IFT52: variants seen among roughly 807,000 people sequenced by gnomAD.
IFT52 encodes intraflagellar transport protein 52 homolog.
Under a neutral mutation model 54.4 loss-of-function variants are expected in IFT52, and 44 were observed. That is an observed-to-expected ratio of 0.81 (90% CI 0.63 to 1.04). The LOEUF (loss-of-function observed/expected upper bound fraction) is 1.04. Among genes scored for constraint, IFT52 ranks in the 50% least tolerant of loss-of-function variants. IFT52 has a pLI of 0.00. For synonymous variants in IFT52, 181 were observed against 185.3 expected (o/e 0.98, Z 0.19); for missense variants, 452 against 523.6 (o/e 0.86, Z 1.33).
At position 43,591,073 on chromosome 20, in the gene IFT52, G is replaced by C. The variant is rs970227749; in HGVS notation, c.-7+19G>C. The stretch of plus-strand genomic sequence containing the variant: ...GCCTCAGGTAAAGGGCGCCAACAGT[G>C]GTGGGCCGGCTGGGGCGTTGGTGCG... On this transcript the variant is annotated intron_variant, in intron 1 of 13. Transcript: ENST00000373030. 2 of 152,576 alleles carry C rather than the reference G, an allele frequency of 1.3e-5. No homozygotes were observed. The highest frequency in any genetic ancestry group is 4.8e-5 in the African/African-American group (2 of 41,490). 9.5% of individuals were successfully genotyped at this position (152,576 alleles called of 1,614,324 possible).
At chr20:43,594,844 C>A in intron 2 of IFT52, 27 bp downstream of exon 2, 1 of 1,144,618 alleles carries the variant, frequency 8.7e-7, no homozygotes, top group Non-Finnish European at 1.3e-6. Flanking sequence ...ATTGTTTTCC[C>A]TTCTAAATGA....
chr20:43,598,041 C>T (rs1982131832), intron 3 of IFT52, among the ~76,000 whole-genome samples: 2 of 152,044 alleles, frequency 1.3e-5, no homozygotes, highest in Non-Finnish European at 2.9e-5. Context: ...GGAAATAGCC[C>T]AAGTATCCAT....
chr20:43,622,569 C>G (rs1984384769), intron 9 of IFT52, among the ~76,000 whole-genome samples: 1 of 151,012 alleles, frequency 6.6e-6, no homozygotes, highest in Admixed American at 6.6e-5. Context: ...TGCCACTGCA[C>G]TCCAGCCTGG....
At chr20:43,610,607 C>T (rs185066557) in intron 6 of IFT52, among the ~76,000 whole-genome samples, 14 of 151,854 alleles carry the variant, frequency 9.2e-5, no homozygotes, top group African/African-American at 2.9e-4. Flanking sequence ...GGCGTGGTGG[C>T]GGGCACCTGT....
intron 10 of IFT52, among the ~76,000 whole-genome samples, chr20:43,625,858 G>A (rs531074512): frequency 2.0e-5 from 3 of 151,816 alleles, no homozygotes; most frequent in Non-Finnish European, 2.9e-5. Context: ...CTTATATCCC[G>A]AACGTCAAGG....
At chr20:43,624,553 G>A (rs986389192) in intron 10 of IFT52, among the ~76,000 whole-genome samples, 1 of 152,172 alleles carries the variant, frequency 6.6e-6, no homozygotes, top group African/African-American at 2.4e-5. Context: ...AAGCCGTTAG[G>A]GAAGCCGTGG....
chr20:43,631,971 G>T (rs1985201631), intron 10 of IFT52, among the ~76,000 whole-genome samples: 3 of 150,892 alleles, frequency 2.0e-5, no homozygotes, highest in Admixed American at 1.3e-4. Context: ...TGTTGCCCAG[G>T]CTGGAGTGCA....
chr20:43,605,090 A>T lies in IFT52; in HGVS notation c.485+17A>T. The T allele has an allele frequency of 6.2e-7, 1 of 1,612,356 alleles. No individual in the cohort carries two copies. The highest frequency in any genetic ancestry group is 1.1e-5 in the South Asian group (1 of 90,604). ...CAATGCCCAGTGAGTGTGTTTTCTG[A>T]TGCCACATGAGGAAGATGTATCATT... On this transcript the variant is annotated intron_variant, in intron 6 of 13. Transcript: ENST00000373030.
rs1045685288 is a variant in IFT52 at position 43,602,308 on chromosome 20, G to A, written c.208-1452G>A. Among the ~76,000 whole-genome samples the A allele has an allele frequency of 2.0e-5, 3 of 151,914 alleles. No individual in the cohort carries two copies. In the South Asian group the frequency reaches 6.2e-4, roughly 32 times the overall value. The stretch of plus-strand genomic sequence containing the variant: ...GCCTCCCGAGTAGCGGGGATTACAG[G>A]CATCTGCCCCCACACCTGGCTATTT... On this transcript the variant is annotated intron_variant, in intron 3 of 13. Transcript: ENST00000373030.
In IFT52 at chr20:43,595,930, G is replaced by A. The variant is rs146092508; in HGVS notation, c.120-505G>A. ...AAATGTCTTTCGAAATCAGCAATTA[G>A]GATATTATTAAAGCAGCATATTATT... is the stretch of plus-strand genomic sequence containing the variant. On this transcript the variant is annotated intron_variant, in intron 2 of 13. Coordinates refer to ENST00000373030, the MANE Select transcript of IFT52 (RefSeq NM_016004.5). 7.2e-5 allele frequency among the ~76,000 whole-genome samples: 11 copies of A among 152,194 alleles called. No individual in the cohort carries two copies. The East Asian group carries it at 2.1e-3, about 29-fold the overall frequency.
rs1415685113 is a variant in IFT52, at chr20:43,637,149, T to G, written c.1016T>G (p.Phe339Cys). Reference sequence around the variant, plus strand: ...AATGACTTTATTTCCTTTTAGGTTTTTCCTCCCAGTTTCCGGGAGTTACCA... The same window carrying G: ...AATGACTTTATTTCCTTTTAGGTTTGTCCTCCCAGTTTCCGGGAGTTACCA... ...TPLPTLQPAV[F>C]PPSFRELPPP... The change falls in exon 12 of 14, where the codon TTT (phenylalanine) becomes TGT (cysteine). Residue 339 changes from phenylalanine (F) to cysteine (C), a missense_variant. By Grantham distance (205) the Phe-to-Cys change is radical. Transcript: ENST00000373030. 1.2e-6 allele frequency: 2 copies of G among 1,604,426 alleles called. No homozygotes were observed. Among genetic ancestry groups the G allele is most frequent in the Non-Finnish European group, 1.7e-6 (2 of 1,171,534 alleles).
chr20:43,639,080 C>G (rs897744625), intron 12 of IFT52, among the ~76,000 whole-genome samples: 1 of 151,948 alleles, frequency 6.6e-6, no homozygotes, highest in African/African-American at 2.4e-5. Flanking sequence ...TAGCAACTGT[C>G]CTATGGAAAT....
chr20:43,641,088 G>A (rs1481686540), intron 12 of IFT52, among the ~76,000 whole-genome samples: 1 of 151,212 alleles, frequency 6.6e-6, no homozygotes, highest in Non-Finnish European at 1.5e-5. Context: ...TGTGAGAAGG[G>A]CAGTAATGGC....
intron 7 of IFT52, 38 bp from the exon 8 acceptor site, chr20:43,618,902 T>C: frequency 7.1e-7 from 1 of 1,402,552 alleles, no homozygotes; most frequent in Non-Finnish European, 1.0e-6. Context: ...AGATGCACTT[T>C]CGGATTTGAG....
At chr20:43,603,152 T>C (rs1053761245) in intron 3 of IFT52, among the ~76,000 whole-genome samples, 5 of 152,174 alleles carry the variant, frequency 3.3e-5, no homozygotes, top group African/African-American at 1.2e-4. Context: ...AGATCAACCC[T>C]AGATTTTTCT....
chr20:43,613,846 A>G lies in IFT52; in HGVS notation c.486-4A>G. The G allele has an allele frequency of 6.2e-7, 1 of 1,605,338 alleles. No homozygotes were observed. Among genetic ancestry groups the G allele is most frequent in the Non-Finnish European group, 8.5e-7 (1 of 1,177,756 alleles). ...TTTGAATGTGTTTCTTTAATTTCTT[A>G]CAGGGCTCTCACCTTTGTGTATCCT... is the stretch of plus-strand genomic sequence containing the variant. On this transcript the variant is annotated splice_polypyrimidine_tract_variant and splice_region_variant and intron_variant, in intron 6 of 13. Transcript: ENST00000373030.
At chr20:43,596,740 T>C (rs941892338) in intron 3 of IFT52, among the ~76,000 whole-genome samples, 1 of 139,886 alleles carries the variant, frequency 7.1e-6, no homozygotes, top group Admixed American at 7.2e-5. Flanking sequence ...ACACTTCTTT[T>C]TTTTTTTTTT....
chr20:43,604,288 G>A, intron 5 of IFT52, 30 bp downstream of exon 5: 1 of 1,514,778 alleles, frequency 6.6e-7, no homozygotes, highest in Non-Finnish European at 9.2e-7. Context: ...AAATATCTTG[G>A]CAAGGCATCG....
intron 12 of IFT52, among the ~76,000 whole-genome samples, chr20:43,641,574 A>G (rs1016436398): frequency 3.3e-4 from 49 of 147,850 alleles, no homozygotes; most frequent in African/African-American, 1.1e-3. Context: ...GCTCACTGCA[A>G]CCTCCGCCTC....
Sources: allele counts gnomAD v4.1 joint callset (sites outside exome capture counted in the v4.1 genomes callset), GRCh38; gene constraint gnomAD v4.1.1; transcripts MANE v1.5; gene names NCBI Gene and HGNC (gene_info 2026-07-23, HGNC 2026-07-21).